HS2ST1: variants seen among roughly 807,000 people sequenced by gnomAD.
The protein encoded by HS2ST1 is 2-O-sulfotransferase.
A neutral mutation model predicts 42.9 loss-of-function variants in HS2ST1; 18 were observed. The ratio of observed to expected loss-of-function variants is 0.42; its 90% CI spans 0.29 to 0.62. The LOEUF is 0.62. Ranked by LOEUF, HS2ST1 falls within the 20% of genes least tolerant of loss-of-function variation. HS2ST1 has a pLI of 0.21. For missense variants in HS2ST1, 334 were observed against 433.8 expected, an observed-to-expected ratio of 0.77 and a Z score of 2.04; for synonymous variants, 146 against 152.9, an observed-to-expected ratio of 0.95 and a Z score of 0.33.
At chr1:86,983,574 G>A (rs1254312986) in intron 1 of HS2ST1, among the ~76,000 whole-genome samples, 1 of 151,886 alleles carries the variant, frequency 6.6e-6, no homozygotes, top group Non-Finnish European at 1.5e-5. Flanking sequence ...GGGACACAAA[G>A]CCAAACCATA....
chr1:86,997,486 G>C (rs1052277818), intron 1 of HS2ST1, among the ~76,000 whole-genome samples: 1 of 110,850 alleles, frequency 9.0e-6, no homozygotes, highest in Admixed American at 1.1e-4. Flanking sequence ...TGTAAATTGT[G>C]TTCTTAAAAG....
At chr1:87,080,843 C>CAG (rs530344393) in intron 2 of HS2ST1, among the ~76,000 whole-genome samples, 177 of 152,240 alleles carry the variant, frequency 1.2e-3, no homozygotes, top group Middle Eastern at 6.8e-3. Flanking sequence ...TAACAAGGGG[C>CAG]AGAGCTCAGC....
chr1:86,964,508 C>G (rs972387432), intron 1 of HS2ST1, among the ~76,000 whole-genome samples: 1 of 152,214 alleles, frequency 6.6e-6, no homozygotes, highest in Non-Finnish European at 1.5e-5. Context: ...CGTGGCGGCA[C>G]GCGCCTGCAA....
At chr1:86,959,397 C>G (rs1458205129) in intron 1 of HS2ST1, among the ~76,000 whole-genome samples, 1 of 152,232 alleles carries the variant, frequency 6.6e-6, no homozygotes, top group Non-Finnish European at 1.5e-5. Flanking sequence ...GTGGCTCACG[C>G]CTGTAATCCC....
At chr1:86,983,453 T>TGCGAGAACTCACTCACTATC (rs1648658011) in intron 1 of HS2ST1, among the ~76,000 whole-genome samples, 1 of 152,088 alleles carries the variant, frequency 6.6e-6, no homozygotes, top group African/African-American at 2.4e-5. Context: ...TATCAGATCT[T>TGCGAGAACTCACTCACTATC]GCGAGAACTC....
intron 1 of HS2ST1, among the ~76,000 whole-genome samples, chr1:87,059,516 C>A (rs1651065110): frequency 6.6e-6 from 1 of 152,092 alleles, no homozygotes; most frequent in Non-Finnish European, 1.5e-5. Context: ...AGATTAATGT[C>A]TTAATAAAGC....
rs1303909620 is a variant in HS2ST1, at chr1:87,106,914, A to T, written c.*2218A>T. On this transcript the variant is annotated 3_prime_UTR_variant, in exon 7 of 7. Transcript: ENST00000370550. ...GCAGTACTTGGTGAACTAGATCAGG[A>T]GGTCAGTAAACTTTCTGTGGAAGGG... is the stretch of plus-strand genomic sequence containing the variant. 1 of 152,092 alleles carries T rather than the reference A, an allele frequency of 6.6e-6. No individual in the cohort carries two copies. The highest frequency in any genetic ancestry group is 1.5e-5 in the Non-Finnish European group (1 of 67,940). The allele number at this position is 152,092 out of a possible 1,614,324, so 9.4% of individuals were successfully genotyped here. A position where few individuals can be genotyped will look rare whatever the true frequency, so the allele number is the denominator to read the frequency against.
At chr1:87,093,571 A>T (rs939845345) in intron 4 of HS2ST1, among the ~76,000 whole-genome samples, 3 of 152,034 alleles carry the variant, frequency 2.0e-5, no homozygotes, top group Admixed American at 2.0e-4. Flanking sequence ...TTATTTTGTG[A>T]TATTTGGATT....
rs76765887 is a variant in HS2ST1, at chr1:86,933,514, C to T, written c.124+18354C>T. The stretch of plus-strand genomic sequence containing the variant: ...TCCATTTCAGTTTGTCTTAGAGTTT[C>T]CATGTCTCTGCCTACAGTGGGCATC... On this transcript the variant is annotated intron_variant, in intron 1 of 6. Coordinates refer to ENST00000370550, the MANE Select transcript of HS2ST1 (RefSeq NM_012262.4). 4.8e-3 allele frequency among the ~76,000 whole-genome samples: 731 copies of T among 152,252 alleles called. 3 individuals are homozygous for T. Among genetic ancestry groups the T allele is most frequent in the Non-Finnish European group, 7.5e-3 (513 of 68,032 alleles).
chr1:86,945,113 A>G (rs569829408), intron 1 of HS2ST1, among the ~76,000 whole-genome samples: 121 of 152,268 alleles, frequency 7.9e-4, no homozygotes, highest in Admixed American at 2.2e-3. Context: ...AAAGTAGCAG[A>G]TATTTGAAGT....
intron 1 of HS2ST1, among the ~76,000 whole-genome samples, chr1:87,023,027 C>T (rs1034823808): frequency 6.6e-6 from 1 of 152,162 alleles, no homozygotes; most frequent in Admixed American, 6.5e-5. Context: ...CTACATTTAT[C>T]TGCTTTCTTG....
At chr1:86,985,084 G>A (rs973063977) in intron 1 of HS2ST1, among the ~76,000 whole-genome samples, 9 of 151,466 alleles carry the variant, frequency 5.9e-5, no homozygotes, top group African/African-American at 1.9e-4. Context: ...GGCCAGGCGC[G>A]GTGGCTCATG....
chr1:87,076,815 G>T (rs1171628428), intron 2 of HS2ST1, among the ~76,000 whole-genome samples: 1 of 152,056 alleles, frequency 6.6e-6, no homozygotes. Context: ...ATATGTTTAG[G>T]TCTATGATTA....
intron 1 of HS2ST1, among the ~76,000 whole-genome samples, chr1:86,974,905 T>G (rs1225791078): frequency 1.3e-5 from 2 of 152,226 alleles, no homozygotes; most frequent in African/African-American, 4.8e-5. Context: ...TCTTTTGGTC[T>G]CTTTAGAATC....
intron 5 of HS2ST1, chr1:87,098,335 T>C (rs2100654567): frequency 1.0e-6 from 1 of 987,048 alleles, no homozygotes. Flanking sequence ...GTTTTACTGT[T>C]AAACTGATTT....
chr1:86,996,212 G>A (rs1052097175), intron 1 of HS2ST1, among the ~76,000 whole-genome samples: 1 of 152,072 alleles, frequency 6.6e-6, no homozygotes, highest in African/African-American at 2.4e-5. Flanking sequence ...GGAGGCCGAG[G>A]CGGGCGGATC....
chr1:86,949,772 CTGT>C (rs910612638), intron 1 of HS2ST1, among the ~76,000 whole-genome samples: 1 of 152,182 alleles, frequency 6.6e-6, no homozygotes. Flanking sequence ...ACATTGGACA[CTGT>C]TGTTCTAAGC....
rs570986671 is a variant in HS2ST1 at position 87,006,131 on chromosome 1, G to A, written c.125-66803G>A. Among the ~76,000 whole-genome samples, 3 of 152,180 alleles carry A rather than the reference G, an allele frequency of 2.0e-5. No individual in the cohort carries two copies. The South Asian group carries it at 6.2e-4, about 32-fold the overall frequency. On this transcript the variant is annotated intron_variant, in intron 1 of 6. Transcript: ENST00000370550. The stretch of plus-strand genomic sequence containing the variant: ...GAAATACACTGGTAAGTTTTGTATA[G>A]GCTGTTTAGCATTCCAGTGCAATTT...
At chr1:86,964,711 T>G (rs933814947) in intron 1 of HS2ST1, among the ~76,000 whole-genome samples, 4 of 152,232 alleles carry the variant, frequency 2.6e-5, no homozygotes, top group African/African-American at 9.6e-5. Flanking sequence ...AGAATATTCT[T>G]TAGTAATTGC....
Sources: gnomAD v4.1 joint callset for allele counts (sites outside exome capture counted in the v4.1 genomes callset) on GRCh38, gnomAD v4.1.1 for gene constraint, MANE v1.5 for transcripts, NCBI Gene and HGNC (gene_info 2026-07-23, HGNC 2026-07-21) for gene names.